Variants in TKT observed in about 807,000 individuals in gnomAD.
The protein encoded by TKT is transketolase.
In TKT, 47 loss-of-function variants were observed where a neutral mutation model predicts 63.9. The ratio of observed to expected loss-of-function variants is 0.74; its 90% CI spans 0.58 to 0.94. TKT has a LOEUF of 0.94. TKT is among the 40% of genes least tolerant of loss of function. TKT has a pLI of 0.00. For missense variants in TKT, 721 were observed against 846.2 expected (o/e 0.85, Z 1.84); for synonymous variants, 338 against 334.1 (o/e 1.01, Z -0.13).
intron 6 of TKT, chr3:53,232,195 C>T (rs1296161722): frequency 2.5e-6 from 1 of 397,128 alleles, no homozygotes; most frequent in African/African-American, 2.1e-5. Context: ...ACCCAGCAGC[C>T]CGAAAGACTA....
chr3:53,228,480 C>T (rs112165934), intron 10 of TKT, 121 bp from the exon 11 acceptor site: 2 of 1,150,016 alleles, frequency 1.7e-6, no homozygotes, highest in Middle Eastern at 2.4e-4. Context: ...CCTGGCTACT[C>T]CAGCAGGGAA....
rs3075723 is a variant in TKT at position 53,247,633 on chromosome 3, C to CAAAAA, written c.108-5396_108-5392dup. Reference sequence around the variant, plus strand: ...CCAGCCTAGGCAACAGACTCCACCTCAAAAAAAAAAAAAAAAAAAAAAAAT... The same window carrying CAAAAA: ...CCAGCCTAGGCAACAGACTCCACCTCAAAAAAAAAAAAAAAAAAAAAAAAAAAAAT... On this transcript the variant is annotated intron_variant, in intron 1 of 13. Transcript: ENST00000462138. Among the ~76,000 whole-genome samples the CAAAAA allele has an allele frequency of 3.8e-3, 254 of 66,918 alleles. 5 individuals carry two copies. The highest frequency in any genetic ancestry group is 0.021 in the Middle Eastern group (2 of 96). 43.9% of individuals were successfully genotyped at this position (66,918 alleles called of 152,430 possible). A position where few individuals can be genotyped will look rare whatever the true frequency, so the allele number is the denominator to read the frequency against.
chr3:53,230,360 A>G, intron 8 of TKT, 97 bp downstream of exon 8: 3 of 1,514,860 alleles, frequency 2.0e-6, no homozygotes. Context: ...GCTGGCCTAC[A>G]GCAGGCACCT....
At position 53,230,439 on chromosome 3, in the gene TKT, G is replaced by C; in HGVS notation, c.1107+18C>G. ...CTCAGCCTTGGGTGGACCTGTCCCTGCCGGCCCCAGCACCTACCATGTTCT... is the reference window on the plus strand; with the variant it reads ...CTCAGCCTTGGGTGGACCTGTCCCTCCCGGCCCCAGCACCTACCATGTTCT... On this transcript the variant is annotated intron_variant, in intron 8 of 13. Coordinates refer to ENST00000462138, the MANE Select transcript of TKT (RefSeq NM_001064.4). 1 of 1,614,046 alleles carries C rather than the reference G, an allele frequency of 6.2e-7. No individual in the cohort carries two copies. Among genetic ancestry groups the C allele is most frequent in the South Asian group, 1.1e-5 (1 of 91,062 alleles).
intron 1 of TKT, among the ~76,000 whole-genome samples, chr3:53,245,455 G>C (rs1227374448): frequency 6.6e-6 from 1 of 152,138 alleles, no homozygotes; most frequent in African/African-American, 2.4e-5. Flanking sequence ...GGCCAGAGAG[G>C]CTCCCTCACC....
chr3:53,240,519 A>G (rs1490171985), intron 3 of TKT, among the ~76,000 whole-genome samples, 171 bp from the exon 4 acceptor site: 1 of 152,160 alleles, frequency 6.6e-6, no homozygotes, highest in East Asian at 1.9e-4. Flanking sequence ...ACTAATTATA[A>G]TTATAGGTTC....
At chr3:53,228,190 G>A (rs1553676001) in intron 11 of TKT, 41 bp from the exon 12 acceptor site, 3 of 1,613,220 alleles carry the variant, frequency 1.9e-6, no homozygotes, top group South Asian at 1.1e-5. Context: ...CAGGGCCCTG[G>A]GGCAGGGTGT....
chr3:53,241,266 G>C (rs372069289), intron 2 of TKT, 21 bp from the exon 3 acceptor site: 79 of 1,590,432 alleles, frequency 5.0e-5, no homozygotes, highest in Non-Finnish European at 6.2e-5. Context: ...ATGGATGGTG[G>C]GGTGAGGTCA....
rs782072041 is a variant in TKT at position 53,225,726 on chromosome 3, T to C, written c.*30A>G. On this transcript the variant is annotated 3_prime_UTR_variant, in exon 14 of 14. Coordinates refer to ENST00000462138, the MANE Select transcript of TKT (RefSeq NM_001064.4). ...CCTTTCCCAGAATCTCAGGAATGTATAGACCCCCGCCCCACACTTCATACC... is the reference window on the plus strand; with the variant it reads ...CCTTTCCCAGAATCTCAGGAATGTACAGACCCCCGCCCCACACTTCATACC... 9.5e-6 allele frequency: 15 copies of C among 1,576,178 alleles called. No individual in the cohort carries two copies. The highest frequency in any genetic ancestry group is 5.4e-5 in the African/African-American group (4 of 74,256).
At chr3:53,235,247 A>G in intron 4 of TKT, 73 bp from the exon 5 acceptor site, 2 of 1,265,780 alleles carry the variant, frequency 1.6e-6, no homozygotes. Context: ...CCACCCATCC[A>G]AGGAGCCTGC....
At chr3:53,244,528 G>A (rs1705424624) in intron 1 of TKT, among the ~76,000 whole-genome samples, 1 of 152,208 alleles carries the variant, frequency 6.6e-6, no homozygotes, top group Non-Finnish European at 1.5e-5. Flanking sequence ...ACCCACTCCT[G>A]CTGGCCACAG....
At chr3:53,242,003 G>A (rs375321849) in intron 2 of TKT, 122 bp downstream of exon 2, 2 of 883,744 alleles carry the variant, frequency 2.3e-6, no homozygotes, top group Non-Finnish European at 3.7e-6. Flanking sequence ...GACGAGCAGG[G>A]AGAAGGCACC....
chr3:53,235,549 C>A (rs1187870675), intron 4 of TKT: 1 of 162,200 alleles, frequency 6.2e-6, no homozygotes, highest in Non-Finnish European at 1.3e-5. Context: ...AGGGGACAGA[C>A]CCCGCTGTGA....
rs1553682200 is a variant in TKT, at chr3:53,255,831, C to G, written c.107+5G>C. ...CCGCGTCCCCGGCCGGCGCCGCGCA[C>G]TCACCCAGAGCCCGCCGCAGTGGTG... On this transcript the variant is annotated splice_donor_5th_base_variant and intron_variant, in intron 1 of 13. Transcript: ENST00000462138. The G allele has an allele frequency of 1.3e-6, 2 of 1,508,012 alleles. No individual in the cohort carries two copies. Among genetic ancestry groups the G allele is most frequent in the South Asian group, 1.3e-5 (1 of 78,602 alleles). The allele number at this position is 1,508,012 out of a possible 1,614,324, so 93.4% of individuals were successfully genotyped here.
At chr3:53,233,033 C>T (rs546238898) in intron 6 of TKT, 123 bp downstream of exon 6, 9 of 820,256 alleles carry the variant, frequency 1.1e-5, no homozygotes, top group Non-Finnish European at 1.8e-5. Flanking sequence ...GCTCCCCTTC[C>T]CTGGAGCCTG....
chr3:53,227,006 TC>T, intron 12 of TKT, 128 bp from the exon 13 acceptor site: 1 of 1,201,818 alleles, frequency 8.3e-7, no homozygotes, highest in Non-Finnish European at 1.1e-6. Context: ...CCTGTCCCTG[TC>T]CCAGGGAGAA....
intron 4 of TKT, among the ~76,000 whole-genome samples, chr3:53,238,688 G>A (rs1443622888): frequency 1.3e-5 from 2 of 152,214 alleles, no homozygotes; most frequent in Non-Finnish European, 2.9e-5. Flanking sequence ...CCGCCCACAG[G>A]ACTCCCCGAG....
chr3:53,255,000 G>A (rs1185184515), intron 1 of TKT, among the ~76,000 whole-genome samples: 1 of 152,038 alleles, frequency 6.6e-6, no homozygotes, highest in Non-Finnish European at 1.5e-5. Context: ...CCCGGCGCTA[G>A]GGCCCTGGAA....
At chr3:53,231,329 G>C (rs1434821705) in intron 7 of TKT, 28 bp downstream of exon 7, 2 of 1,609,622 alleles carry the variant, frequency 1.2e-6, no homozygotes, top group African/African-American at 2.7e-5. Context: ...AGAACTATGG[G>C]TTCAGAGAAA....
Sources: gnomAD v4.1 joint callset for allele counts (sites outside exome capture counted in the v4.1 genomes callset) on GRCh38, gnomAD v4.1.1 for gene constraint, MANE v1.5 for transcripts, NCBI Gene and HGNC (gene_info 2026-07-23, HGNC 2026-07-21) for gene names.